The following ATP8A1 variants were observed in gnomAD, a reference collection of about 807,000 sequenced individuals.
ATP8A1 encodes phospholipid-transporting ATPase IA.
In ATP8A1, 90 loss-of-function variants were observed where a neutral mutation model predicts 177.7. That is an observed-to-expected ratio of 0.51 (90% CI 0.43 to 0.60). The LOEUF (loss-of-function observed/expected upper bound fraction) is 0.60. Among genes scored for constraint, ATP8A1 ranks in the 20% least tolerant of loss-of-function variants. The pLI, the probability that ATP8A1 is intolerant of heterozygous loss-of-function variation, is 0.00. For missense variants in ATP8A1, 1,072 were observed against 1,392.8 expected, an observed-to-expected ratio of 0.77 and a Z score of 3.67; for synonymous variants, 493 against 485.9, an observed-to-expected ratio of 1.01 and a Z score of -0.19.
At chr4:42,486,840 G>A (rs986047176) in intron 24 of ATP8A1, among the ~76,000 whole-genome samples, 1 of 152,166 alleles carries the variant, frequency 6.6e-6, no homozygotes, top group Admixed American at 6.5e-5. Context: ...TAGCCTAGGA[G>A]CAATAGGCTA....
chr4:42,453,016 T>A (rs750587117), intron 29 of ATP8A1, among the ~76,000 whole-genome samples: 142 of 152,344 alleles, frequency 9.3e-4, no homozygotes, highest in Middle Eastern at 3.4e-3. Flanking sequence ...CATTACACAT[T>A]TGAACTTGTG....
intron 1 of ATP8A1, among the ~76,000 whole-genome samples, chr4:42,654,124 G>A (rs182108490): frequency 8.1e-4 from 123 of 152,264 alleles, no homozygotes; most frequent in Non-Finnish European, 1.6e-3. Flanking sequence ...ATGAACCTTC[G>A]AGTTTGAGAA....
intron 25 of ATP8A1, among the ~76,000 whole-genome samples, chr4:42,477,716 A>C (rs899869120): frequency 6.6e-5 from 10 of 152,118 alleles, no homozygotes; most frequent in Non-Finnish European, 1.0e-4. Context: ...TCACGCCTGT[A>C]ATCACTGCAC....
At chr4:42,457,598 T>C (rs1718625639) in intron 27 of ATP8A1, among the ~76,000 whole-genome samples, 1 of 152,230 alleles carries the variant, frequency 6.6e-6, no homozygotes, top group Non-Finnish European at 1.5e-5. Context: ...GTTGTAGTTC[T>C]AAATGCATTT....
At chr4:42,521,930 A>C (rs1726168708) in intron 22 of ATP8A1, among the ~76,000 whole-genome samples, 1 of 152,234 alleles carries the variant, frequency 6.6e-6, no homozygotes, top group Non-Finnish European at 1.5e-5. Flanking sequence ...ACCTTGATCC[A>C]AAATTGTGAA....
chr4:42,554,106 A>G (rs1474415407), intron 16 of ATP8A1, among the ~76,000 whole-genome samples: 1 of 152,224 alleles, frequency 6.6e-6, no homozygotes, highest in Non-Finnish European at 1.5e-5. Context: ...TAAACAGGAT[A>G]GTGAGGGGAC....
intron 6 of ATP8A1, among the ~76,000 whole-genome samples, chr4:42,592,273 T>C (rs556540037): frequency 1.1e-3 from 171 of 152,232 alleles, no homozygotes; most frequent in Non-Finnish European, 1.9e-3. Context: ...TTTCGATAAA[T>C]TGAAATTCAT....
chr4:42,560,374 C>G (rs557630761), intron 15 of ATP8A1, among the ~76,000 whole-genome samples: 2 of 151,834 alleles, frequency 1.3e-5, no homozygotes, highest in East Asian at 3.9e-4. Flanking sequence ...GCATTGTGAA[C>G]TTAAAAAAAT....
chr4:42,647,135 C>A (rs1298993497), intron 1 of ATP8A1, among the ~76,000 whole-genome samples: 5 of 152,202 alleles, frequency 3.3e-5, no homozygotes, highest in African/African-American at 1.2e-4. Context: ...ATTATCTAAG[C>A]ACCCATATAA....
chr4:42,619,181 G>A (rs17532651), intron 4 of ATP8A1, among the ~76,000 whole-genome samples: 34,325 of 151,806 alleles, frequency 0.23, 4,345 homozygotes, highest in Non-Finnish European at 0.29. Flanking sequence ...TACTTGATTA[G>A]TGTCGATCTC....
At chr4:42,596,666 C>CAAAAAAAAAAAAAAA (rs71648737) in intron 6 of ATP8A1, among the ~76,000 whole-genome samples, 1 of 74,014 alleles carries the variant, frequency 1.4e-5, no homozygotes, top group Non-Finnish European at 2.8e-5. Flanking sequence ...GACTCCATCT[C>CAAAAAAAAAAAAAAA]AAAAAAAAAA....
intron 20 of ATP8A1, among the ~76,000 whole-genome samples, chr4:42,527,276 T>C (rs73235597): frequency 0.14 from 21,773 of 152,182 alleles, 1,790 homozygotes; most frequent in East Asian, 0.26. Context: ...GGTGCATGCG[T>C]AGCCTCAACA....
chr4:42,584,716 C>T (rs922192702), intron 9 of ATP8A1, among the ~76,000 whole-genome samples: 3 of 152,208 alleles, frequency 2.0e-5, no homozygotes, highest in Non-Finnish European at 2.9e-5. Flanking sequence ...TTTCTTCCAT[C>T]CTCATGGCTT....
At chr4:42,601,028 ATTTTCT>A (rs1454328405) in intron 5 of ATP8A1, among the ~76,000 whole-genome samples, 2 of 78,628 alleles carry the variant, frequency 2.5e-5, no homozygotes, top group African/African-American at 8.3e-5. Flanking sequence ...AACAACCCAA[ATTTTCT>A]TTTTTTTTTT....
intron 15 of ATP8A1, among the ~76,000 whole-genome samples, chr4:42,566,511 G>A (rs1731363361): frequency 6.6e-6 from 1 of 152,150 alleles, no homozygotes; most frequent in African/African-American, 2.4e-5. Flanking sequence ...TTGGGCAAAT[G>A]CTCAAAGTTG....
intron 25 of ATP8A1, chr4:42,472,436 T>G: frequency 3.2e-6 from 1 of 312,200 alleles, no homozygotes; most frequent in South Asian, 2.8e-5. Context: ...TGGAACCAAA[T>G]AAATGGAAAT....
chr4:42,520,155 A>G (rs758512646), intron 22 of ATP8A1, among the ~76,000 whole-genome samples: 17 of 152,216 alleles, frequency 1.1e-4, no homozygotes, highest in Non-Finnish European at 2.2e-4. Flanking sequence ...TCCAGAGAGT[A>G]AGGATATTAG....
intron 20 of ATP8A1, among the ~76,000 whole-genome samples, chr4:42,536,007 G>T (rs1372318979): frequency 2.0e-5 from 3 of 152,122 alleles, no homozygotes; most frequent in Admixed American, 6.5e-5. Flanking sequence ...ACATCAAAAA[G>T]TCTGAAAGAG....
At chr4:42,499,343 G>A (rs1723587882) in intron 24 of ATP8A1, among the ~76,000 whole-genome samples, 1 of 152,148 alleles carries the variant, frequency 6.6e-6, no homozygotes, top group Non-Finnish European at 1.5e-5. Context: ...AGGAAAGCCT[G>A]GCAGTACAGA....
Sources: allele counts gnomAD v4.1 joint callset (sites outside exome capture counted in the v4.1 genomes callset), GRCh38; gene constraint gnomAD v4.1.1; transcripts MANE v1.5; gene names NCBI Gene and HGNC (gene_info 2026-07-23, HGNC 2026-07-21).